Variants in DDC observed in about 807,000 individuals in gnomAD.
The protein encoded by DDC is dopa decarboxylase, also known as aromatic-L-amino-acid decarboxylase.
DDC carries 43 observed loss-of-function variants against 60.0 expected under a neutral mutation model. The observed-to-expected ratio is 0.72, with a 90% CI of 0.56 to 0.92. The LOEUF is 0.92. DDC is among the 40% of genes least tolerant of loss of function. The pLI is 0.00. For missense variants in DDC, 573 were observed against 620.2 expected (o/e 0.92, Z 0.81); for synonymous variants, 232 against 234.6 (o/e 0.99, Z 0.10).
intron 13 of DDC, among the ~76,000 whole-genome samples, chr7:50,465,956 G>T (rs1053320112): frequency 1.3e-5 from 2 of 152,114 alleles, no homozygotes; most frequent in Admixed American, 1.3e-4. Flanking sequence ...CTCTTCCAAG[G>T]GCTCAAGTCT....
intron 9 of DDC, chr7:50,492,786 G>T (rs1196218326): frequency 6.9e-7 from 1 of 1,458,418 alleles, no homozygotes; most frequent in East Asian, 2.6e-5. Context: ...CTCACAGGCT[G>T]GTGGCTGAAC....
Position 50,540,078 on chromosome 7 carries a change from CAA to C in DDC, c.202-52_202-51del, listed in dbSNP as rs756287726. ...CTGAGGAGTGAGGAAAGCCAGGCCT[CAA>C]GAGAGCGGGGGACCCAGGTACCCCC... On this transcript the variant is annotated intron_variant, in intron 2 of 14. Transcript: ENST00000444124. The C allele has an allele frequency of 3.4e-6, 5 of 1,473,312 alleles. No individual in the cohort carries two copies. The African/African-American group carries it at 7.0e-5, about 21-fold the overall frequency. The allele number at this position is 1,473,312 out of a possible 1,614,324, so 91.3% of individuals were successfully genotyped here. A position where few individuals can be genotyped will look rare whatever the true frequency, so the allele number is the denominator to read the frequency against.
At chr7:50,491,628 C>A (rs186669355) in intron 9 of DDC, among the ~76,000 whole-genome samples, 1 of 152,266 alleles carries the variant, frequency 6.6e-6, no homozygotes, top group Non-Finnish European at 1.5e-5. Flanking sequence ...GATACCCTTC[C>A]TTTTGTTCCT....
In DDC at chr7:50,471,042, C is replaced by T. The variant is rs142028441; in HGVS notation, c.1042-871G>A. Among the ~76,000 whole-genome samples, 863 of 152,322 alleles carry T rather than the reference C, an allele frequency of 5.7e-3. 6 individuals carry two copies. Among genetic ancestry groups the T allele is most frequent in the African/African-American group, 0.02 (827 of 41,572 alleles). Reference sequence around the variant, plus strand: ...CATCTGCCGGGTGGGACTGCTTAGCCGGAGTCCTGAGTCCCGCACTGCTCC... The same window carrying T: ...CATCTGCCGGGTGGGACTGCTTAGCTGGAGTCCTGAGTCCCGCACTGCTCC... On this transcript the variant is annotated intron_variant, in intron 11 of 14. Transcript: ENST00000444124.
intron 7 of DDC, among the ~76,000 whole-genome samples, chr7:50,500,242 C>A (rs2043219232): frequency 6.6e-6 from 1 of 151,976 alleles, no homozygotes; most frequent in African/African-American, 2.4e-5. Context: ...GTTCACTCAC[C>A]ATCCATGGTG....
At chr7:50,496,950 G>A (rs1415381374) in intron 8 of DDC, among the ~76,000 whole-genome samples, 2 of 152,206 alleles carry the variant, frequency 1.3e-5, no homozygotes, top group Non-Finnish European at 2.9e-5. Flanking sequence ...TTTAATAAAA[G>A]TAATTTTGAG....
chr7:50,491,127 T>C (rs1161740128), intron 9 of DDC, among the ~76,000 whole-genome samples: 1 of 152,234 alleles, frequency 6.6e-6, no homozygotes, highest in Non-Finnish European at 1.5e-5. Context: ...TTGAAATCAC[T>C]AAATATTAAG....
intron 1 of DDC, among the ~76,000 whole-genome samples, chr7:50,558,912 G>T (rs1012671547): frequency 6.6e-6 from 1 of 152,190 alleles, no homozygotes; most frequent in Non-Finnish European, 1.5e-5. Flanking sequence ...GGCTTCGGGT[G>T]GGAGTGCTGA....
chr7:50,535,849 G>C (rs1283577747), intron 4 of DDC, among the ~76,000 whole-genome samples: 4 of 152,198 alleles, frequency 2.6e-5, no homozygotes, highest in African/African-American at 9.7e-5. Context: ...TGACTTGAGA[G>C]ATTATCTCAG....
chr7:50,470,829 GT>G (rs2153534467), intron 11 of DDC, among the ~76,000 whole-genome samples: 1 of 152,340 alleles, frequency 6.6e-6, no homozygotes, highest in East Asian at 1.9e-4. Context: ...TGGAGATGTG[GT>G]GAAGTGAGTA....
chr7:50,498,594 A>G (rs11575400), intron 8 of DDC, among the ~76,000 whole-genome samples: 2,912 of 152,364 alleles, frequency 0.019, 167 homozygotes, highest in Admixed American at 0.12. Context: ...TTTTTGGAGA[A>G]GCGGAGTGCT....
chr7:50,547,769 A>T (rs2044855126), intron 1 of DDC, among the ~76,000 whole-genome samples: 1 of 152,240 alleles, frequency 6.6e-6, no homozygotes, highest in Admixed American at 6.5e-5. Flanking sequence ...AGCATGTATT[A>T]GCTGTACAAC....
intron 6 of DDC, among the ~76,000 whole-genome samples, chr7:50,525,034 A>G (rs899930720): frequency 1.3e-5 from 2 of 152,228 alleles, no homozygotes; most frequent in African/African-American, 4.8e-5. Flanking sequence ...ACATGCAACA[A>G]CTTGGATGGA....
chr7:50,505,356 C>T (rs2043363915), intron 6 of DDC, among the ~76,000 whole-genome samples: 2 of 152,176 alleles, frequency 1.3e-5, no homozygotes, highest in African/African-American at 4.8e-5. Context: ...TTATGGATGT[C>T]ATGCAGTCTA....
chr7:50,486,500 T>C (rs1014978935), intron 9 of DDC, among the ~76,000 whole-genome samples: 3 of 152,348 alleles, frequency 2.0e-5, no homozygotes, highest in Admixed American at 6.5e-5. Context: ...ATTAAGATTA[T>C]GGAGTTTAAA....
At chr7:50,484,398 A>T (rs79796223) in intron 9 of DDC, among the ~76,000 whole-genome samples, 1 of 151,852 alleles carries the variant, frequency 6.6e-6, no homozygotes, top group South Asian at 2.1e-4. Context: ...CCTCTTTTCA[A>T]TTGATGTCTG....
At chr7:50,549,550 A>C (rs1585279517) in intron 1 of DDC, among the ~76,000 whole-genome samples, 1 of 151,870 alleles carries the variant, frequency 6.6e-6, no homozygotes, top group Admixed American at 6.6e-5. Flanking sequence ...GCTACTCGGG[A>C]GGCTGAGGCA....
At chr7:50,507,798 G>A (rs867000275) in intron 6 of DDC, among the ~76,000 whole-genome samples, 2 of 152,170 alleles carry the variant, frequency 1.3e-5, no homozygotes, top group African/African-American at 2.4e-5. Context: ...TAGGGGTGAT[G>A]TTCTTTGCGG....
At position 50,537,975 on chromosome 7, in the gene DDC, G is replaced by A; in HGVS notation, c.320C>T (p.Ala107Val). Residue 107 changes from alanine to valine, a missense_variant, in exon 4 of 15, where the codon GCA becomes GTA. Coordinates refer to ENST00000444124, the MANE Select transcript of DDC (RefSeq NM_001082971.2). ...AIGCIGFSWAASPACTELETV... is the reference protein window; with the variant it reads ...AIGCIGFSWAVSPACTELETV... ...CTCCAGCTCTGTGCATGCTGGGCTT[G>A]CCGCCTGTCGTGGGGGAAGGGAAGG... 6.2e-7 allele frequency: 1 copy of A among 1,614,154 alleles called. No individual in the cohort carries two copies. Among genetic ancestry groups the A allele is most frequent in the Non-Finnish European group, 8.5e-7 (1 of 1,180,026 alleles).
Sources: gnomAD v4.1 joint callset for allele counts (sites outside exome capture counted in the v4.1 genomes callset) on GRCh38, gnomAD v4.1.1 for gene constraint, MANE v1.5 for transcripts, NCBI Gene and HGNC (gene_info 2026-07-23, HGNC 2026-07-21) for gene names.